CAMK4: variants seen among roughly 807,000 people sequenced by gnomAD.
The protein encoded by CAMK4 is calcium/calmodulin-dependent protein kinase type IV.
CAMK4 carries 22 observed loss-of-function variants against 44.9 expected under a neutral mutation model. That is an observed-to-expected ratio of 0.49 (90% confidence interval 0.35 to 0.70). CAMK4 has a LOEUF of 0.70. Ranked by LOEUF, CAMK4 falls within the 30% of genes least tolerant of loss-of-function variation. The pLI, the probability that CAMK4 is intolerant of heterozygous loss-of-function variation, is 0.01. For missense variants in CAMK4, 498 were observed against 586.8 expected (o/e 0.85, Z 1.56); for synonymous variants, 218 against 215.4 (o/e 1.01, Z -0.11).
chr5:111,305,777 G>C (rs1290184691), intron 1 of CAMK4, among the ~76,000 whole-genome samples: 2 of 142,824 alleles, frequency 1.4e-5, no homozygotes, highest in Non-Finnish European at 3.0e-5. Context: ...TACCAAAGCC[G>C]GGCAGAGACA....
intron 7 of CAMK4, among the ~76,000 whole-genome samples, chr5:111,457,514 C>G (rs1016008684): frequency 6.6e-6 from 1 of 152,186 alleles, no homozygotes; most frequent in Non-Finnish European, 1.5e-5. Flanking sequence ...ACACACTTGC[C>G]ACATTGCTAC....
chr5:111,329,790 T>C (rs1749076552), intron 1 of CAMK4, among the ~76,000 whole-genome samples: 1 of 151,514 alleles, frequency 6.6e-6, no homozygotes, highest in South Asian at 2.1e-4. Flanking sequence ...CATTCATAAT[T>C]AAAAAAAGAA....
intron 5 of CAMK4, among the ~76,000 whole-genome samples, chr5:111,404,515 A>T (rs1306628918): frequency 6.6e-6 from 1 of 152,040 alleles, no homozygotes; most frequent in Non-Finnish European, 1.5e-5. Context: ...AAAAAGAAAA[A>T]CCTTGTGGCA....
chr5:111,484,285 C>G lies in CAMK4; in HGVS notation c.1241C>G (p.Pro414Arg), dbSNP rs371455365. 4.3e-6 allele frequency: 7 copies of G among 1,613,888 alleles called. No homozygotes were observed. Among genetic ancestry groups the G allele is most frequent in the Non-Finnish European group, 5.9e-6 (7 of 1,180,006 alleles). Residue 414 changes from proline (P) to arginine (R), a missense_variant, in exon 11 of 11, where the codon CCC (proline) becomes CGC (arginine). Pro to Arg is a moderately radical substitution (Grantham distance 103). Transcript: ENST00000282356. This position sits in a 1 kb window ranked among gnomAD's most constrained non-coding sequence, Gnocchi z 5.3. ...KGADINAEEA[P>R]KMVPKAVEDG... The stretch of plus-strand genomic sequence containing the variant: ...GCAGATATAAATGCTGAAGAGGCCC[C>G]CAAAATGGTGCCCAAGGCAGTGGAG...
rs114402288 is a variant in CAMK4 at position 111,385,116 on chromosome 5, T to A, written c.386+8174T>A. On this transcript the variant is annotated intron_variant, in intron 4 of 10. Transcript: ENST00000282356. ...TTATAATGACTACAATATCACAAAT[T>A]TTTTTAATGAGGGCTAGGAAATAAA... 7.6e-3 allele frequency among the ~76,000 whole-genome samples: 1,154 copies of A among 152,216 alleles called. 15 individuals carry two copies. The highest frequency in any genetic ancestry group is 0.027 in the African/African-American group (1,108 of 41,540).
At chr5:111,479,469 C>A (rs1212434296) in intron 9 of CAMK4, among the ~76,000 whole-genome samples, 2 of 152,084 alleles carry the variant, frequency 1.3e-5, no homozygotes, top group Non-Finnish European at 2.9e-5. Context: ...CACTAGAGAA[C>A]AACCACACAG....
chr5:111,326,070 A>G (rs419429), intron 1 of CAMK4, among the ~76,000 whole-genome samples: 137,786 of 152,038 alleles, frequency 0.91, 62,533 homozygotes, highest in East Asian at 1. Flanking sequence ...GAAGAGAGAT[A>G]CAATTCAGTT....
chr5:111,391,220 G>A (rs1321070130), intron 4 of CAMK4, among the ~76,000 whole-genome samples: 1 of 151,924 alleles, frequency 6.6e-6, no homozygotes, highest in Non-Finnish European at 1.5e-5. Context: ...GCAAGGGAAT[G>A]AAGTTCCAGG....
intron 1 of CAMK4, among the ~76,000 whole-genome samples, chr5:111,256,812 G>T (rs1023366712): frequency 6.6e-6 from 1 of 152,118 alleles, no homozygotes; most frequent in Non-Finnish European, 1.5e-5. Context: ...CACTTGTAAA[G>T]TGATATTCAT....
At chr5:111,270,508 C>T (rs1165007276) in intron 1 of CAMK4, among the ~76,000 whole-genome samples, 2 of 152,202 alleles carry the variant, frequency 1.3e-5, no homozygotes, top group African/African-American at 4.8e-5. Flanking sequence ...GACATCCCAA[C>T]CTTGGATCAC....
At chr5:111,420,667 C>T (rs1210719634) in intron 5 of CAMK4, among the ~76,000 whole-genome samples, 1 of 152,166 alleles carries the variant, frequency 6.6e-6, no homozygotes, top group Non-Finnish European at 1.5e-5. Context: ...CGTTTATAGG[C>T]CTATACCTCT....
intron 5 of CAMK4, 116 bp downstream of exon 5, chr5:111,394,898 G>A (rs1185556422): frequency 1.5e-5 from 10 of 676,378 alleles, no homozygotes; most frequent in Non-Finnish European, 2.0e-5. Flanking sequence ...ATAAAGTTGT[G>A]AAATATTTAT....
At chr5:111,246,502 G>A (rs138064396) in intron 1 of CAMK4, among the ~76,000 whole-genome samples, 4 of 152,272 alleles carry the variant, frequency 2.6e-5, no homozygotes, top group South Asian at 4.1e-4. Flanking sequence ...CATGCAGTTC[G>A]ACTTGGTACA....
At chr5:111,469,236 G>T (rs1754977468) in intron 7 of CAMK4, among the ~76,000 whole-genome samples, 1 of 132,798 alleles carries the variant, frequency 7.5e-6, no homozygotes, top group Non-Finnish European at 1.6e-5. Flanking sequence ...ATATCTAATT[G>T]TGTCTAGGTG....
At chr5:111,364,933 C>T (rs1030257341) in intron 2 of CAMK4, 3 of 152,226 alleles carry the variant, frequency 2.0e-5, no homozygotes, top group African/African-American at 7.2e-5. Flanking sequence ...CAGTCTCCTT[C>T]TTGTTCCAGC....
rs1755550499 is a variant in CAMK4, at chr5:111,484,589, C to CAT, written c.*129_*130dup. Reference sequence around the variant, plus strand: ...CTGTTTTTGAGGTGCAAAAAACATACATATATACCAGTTGGTAATTCTAAC... The same window carrying CAT: ...CTGTTTTTGAGGTGCAAAAAACATACATATATATACCAGTTGGTAATTCTAAC... On this transcript the variant is annotated 3_prime_UTR_variant, in exon 11 of 11. Coordinates refer to ENST00000282356, the MANE Select transcript of CAMK4 (RefSeq NM_001744.6). This position sits in a 1 kb window ranked among gnomAD's most constrained non-coding sequence, Gnocchi z 5.3. The CAT allele has an allele frequency of 4.0e-6, 2 of 506,272 alleles. No homozygotes were observed. Among genetic ancestry groups the CAT allele is most frequent in the Non-Finnish European group, 3.2e-6 (1 of 309,212 alleles). 31.4% of individuals were successfully genotyped at this position (506,272 alleles called of 1,614,324 possible). A position where few individuals can be genotyped will look rare whatever the true frequency, so the allele number is the denominator to read the frequency against.
chr5:111,289,490 C>A (rs1751361077), intron 1 of CAMK4, among the ~76,000 whole-genome samples: 1 of 152,340 alleles, frequency 6.6e-6, no homozygotes, highest in Non-Finnish European at 1.5e-5. Flanking sequence ...TGGCCTGTCA[C>A]AATCTCTAAA....
At chr5:111,415,833 G>A (rs1396749569) in intron 5 of CAMK4, among the ~76,000 whole-genome samples, 6 of 151,918 alleles carry the variant, frequency 3.9e-5, no homozygotes, top group African/African-American at 1.5e-4. Context: ...AAATAATAAA[G>A]AATAACAAAA....
chr5:111,453,482 A>C (rs2112986343), intron 7 of CAMK4, among the ~76,000 whole-genome samples: 1 of 152,260 alleles, frequency 6.6e-6, no homozygotes, highest in South Asian at 2.1e-4. Context: ...TCTGAGAATA[A>C]GTTGGTGGGG....
Sources: allele counts gnomAD v4.1 joint callset (sites outside exome capture counted in the v4.1 genomes callset), GRCh38; gene constraint gnomAD v4.1.1; non-coding constraint Gnocchi (gnomAD v3.1); transcripts MANE v1.5; gene names NCBI Gene and HGNC (gene_info 2026-07-23, HGNC 2026-07-21).